GRIN3A: variants seen among roughly 807,000 people sequenced by gnomAD.
The protein encoded by GRIN3A is glutamate receptor ionotropic, NMDA 3A.
Under a neutral mutation model 92.4 loss-of-function variants are expected in GRIN3A, and 47 were observed. The ratio of observed to expected loss-of-function variants is 0.51; its 90% confidence interval spans 0.40 to 0.65. The LOEUF is 0.65. GRIN3A is among the 30% of genes least tolerant of loss of function. GRIN3A has a pLI of 0.00. For synonymous variants in GRIN3A, 527 were observed against 540.6 expected (o/e 0.97, Z 0.35); for missense variants, 1,324 against 1,393.1 (o/e 0.95, Z 0.79).
intron 3 of GRIN3A, among the ~76,000 whole-genome samples, chr9:101,654,562 T>G (rs570195391): frequency 6.6e-6 from 1 of 151,868 alleles, no homozygotes; most frequent in East Asian, 2.0e-4. Context: ...ACACAGCTCT[T>G]CCTATCATTC....
intron 3 of GRIN3A, among the ~76,000 whole-genome samples, chr9:101,640,264 C>T (rs1828838120): frequency 3.3e-5 from 5 of 152,202 alleles, no homozygotes; most frequent in Admixed American, 6.5e-5. Flanking sequence ...AGCACATTTG[C>T]TTCTGCTGCA....
At chr9:101,574,130 A>G (rs1827797189) in intron 8 of GRIN3A, among the ~76,000 whole-genome samples, 1 of 152,210 alleles carries the variant, frequency 6.6e-6, no homozygotes, top group Non-Finnish European at 1.5e-5. Context: ...AAAAATCCCG[A>G]GAAAGCCCTC....
At chr9:101,682,839 A>G (rs1040229045) in intron 2 of GRIN3A, among the ~76,000 whole-genome samples, 7 of 151,744 alleles carry the variant, frequency 4.6e-5, no homozygotes, top group African/African-American at 1.7e-4. Context: ...AAAATTAGCC[A>G]GGCGTGGTGG....
At chr9:101,729,177 C>G (rs112019308) in intron 1 of GRIN3A, among the ~76,000 whole-genome samples, 1 of 152,144 alleles carries the variant, frequency 6.6e-6, no homozygotes, top group Non-Finnish European at 1.5e-5. Flanking sequence ...TGGGCCAGAT[C>G]CCTTTCTATC....
At chr9:101,664,410 G>T (rs902357409) in intron 3 of GRIN3A, among the ~76,000 whole-genome samples, 6 of 151,930 alleles carry the variant, frequency 3.9e-5, no homozygotes, top group Non-Finnish European at 7.4e-5. Flanking sequence ...CTGAAGCGTG[G>T]AGCTTGCTTC....
chr9:101,698,346 C>T (rs1829707819), intron 1 of GRIN3A, among the ~76,000 whole-genome samples: 1 of 152,196 alleles, frequency 6.6e-6, no homozygotes, highest in African/African-American at 2.4e-5. Flanking sequence ...TTTCCAAAGA[C>T]TATTATTACA....
chr9:101,575,155 T>C (rs1052346542), intron 8 of GRIN3A, among the ~76,000 whole-genome samples: 1 of 152,178 alleles, frequency 6.6e-6, no homozygotes, highest in African/African-American at 2.4e-5. Context: ...CAAACCACCC[T>C]GTGGTTCTTT....
At chr9:101,644,388 A>T (rs1418996621) in intron 3 of GRIN3A, among the ~76,000 whole-genome samples, 1 of 151,286 alleles carries the variant, frequency 6.6e-6, no homozygotes, top group Non-Finnish European at 1.5e-5. Context: ...CTTGTTCAAG[A>T]TCAAAGACTT....
At chr9:101,594,636 A>C in intron 6 of GRIN3A, 7 of 1,614,160 alleles carry the variant, frequency 4.3e-6, no homozygotes, top group Non-Finnish European at 5.9e-6. Flanking sequence ...TAAATGCTGA[A>C]CGCAAACCTC....
At position 101,737,273 on chromosome 9, in the gene GRIN3A, C is replaced by T. The variant is rs750546885; in HGVS notation, c.699+8G>A. 5.0e-6 allele frequency: 8 copies of T among 1,613,044 alleles called. No homozygotes were observed. Among genetic ancestry groups the T allele is most frequent in the Non-Finnish European group, 6.8e-6 (8 of 1,179,002 alleles). ...CCATCTCCACTCCACGCACCAGGCT[C>T]CTCTCACCTGACTCTCCCGTGGAAA... On this transcript the variant is annotated splice_region_variant and intron_variant, in intron 1 of 8. Transcript: ENST00000361820.
chr9:101,604,994 G>C (rs1828260232), intron 6 of GRIN3A, among the ~76,000 whole-genome samples: 1 of 152,182 alleles, frequency 6.6e-6, no homozygotes, highest in Non-Finnish European at 1.5e-5. Context: ...GCATTTTGGT[G>C]GTCCTTGGGA....
At chr9:101,668,219 A>G (rs905896810) in intron 3 of GRIN3A, among the ~76,000 whole-genome samples, 4 of 139,082 alleles carry the variant, frequency 2.9e-5, no homozygotes, top group African/African-American at 9.9e-5. Context: ...ATACTTTAGC[A>G]TAATCACTCT....
At chr9:101,616,492 T>A (rs996748261) in intron 5 of GRIN3A, among the ~76,000 whole-genome samples, 2 of 152,140 alleles carry the variant, frequency 1.3e-5, no homozygotes, top group African/African-American at 4.8e-5. Flanking sequence ...GACGTTGTCA[T>A]CATTTTCTTG....
intron 1 of GRIN3A, among the ~76,000 whole-genome samples, chr9:101,705,203 G>A (rs1358169885): frequency 1.3e-5 from 2 of 151,992 alleles, no homozygotes; most frequent in Non-Finnish European, 2.9e-5. Flanking sequence ...ATAAACCTGA[G>A]ACCTTAGCGG....
Position 101,666,224 on chromosome 9 carries a change from G to A in GRIN3A, c.2352+3836C>T, listed in dbSNP as rs1324302759. 2.0e-5 allele frequency among the ~76,000 whole-genome samples: 3 copies of A among 151,990 alleles called. No homozygotes were observed. The East Asian group carries it at 5.8e-4, about 30-fold the overall frequency. ...TACTCCCCTAGGGCTTTAATAAACAGTATGGCCTCCCTCTGCCAGGATTCT... is the reference window on the plus strand; with the variant it reads ...TACTCCCCTAGGGCTTTAATAAACAATATGGCCTCCCTCTGCCAGGATTCT... On this transcript the variant is annotated intron_variant, in intron 3 of 8. Coordinates refer to ENST00000361820, the MANE Select transcript of GRIN3A (RefSeq NM_133445.3).
chr9:101,641,010 A>G (rs1828852855), intron 3 of GRIN3A, among the ~76,000 whole-genome samples: 1 of 152,226 alleles, frequency 6.6e-6, no homozygotes, highest in Admixed American at 6.5e-5. Context: ...TGAAAACTGA[A>G]AGAGCAGACC....
In GRIN3A at chr9:101,679,313, C is replaced by T. The variant is rs539346162; in HGVS notation, c.1304+7283G>A. 2.7e-4 allele frequency among the ~76,000 whole-genome samples: 41 copies of T among 152,190 alleles called. No individual in the cohort carries two copies. The South Asian group carries it at 5.4e-3, about 20-fold the overall frequency. On this transcript the variant is annotated intron_variant, in intron 2 of 8. Coordinates refer to ENST00000361820, the MANE Select transcript of GRIN3A (RefSeq NM_133445.3). The stretch of plus-strand genomic sequence containing the variant: ...GTCAACCAAGAATACAGTTCCTTCT[C>T]GGGCACATAAAAGCTTGGAAGCTCT...
chr9:101,687,938 A>T (rs1271006959), intron 1 of GRIN3A, among the ~76,000 whole-genome samples: 1 of 152,198 alleles, frequency 6.6e-6, no homozygotes, highest in Admixed American at 6.5e-5. Context: ...AACTTATTTG[A>T]AAAGTCACAA....
At chr9:101,620,429 C>T (rs1828534502) in intron 5 of GRIN3A, among the ~76,000 whole-genome samples, 1 of 152,150 alleles carries the variant, frequency 6.6e-6, no homozygotes, top group Non-Finnish European at 1.5e-5. Context: ...GAGGCACAAA[C>T]ATTCAGACCA....
Sources: gnomAD v4.1 joint callset for allele counts (sites outside exome capture counted in the v4.1 genomes callset) on GRCh38, gnomAD v4.1.1 for gene constraint, MANE v1.5 for transcripts, NCBI Gene and HGNC (gene_info 2026-07-23, HGNC 2026-07-21) for gene names.